TRAK1: variants seen among roughly 807,000 people sequenced by gnomAD.
TRAK1 encodes trafficking kinesin protein 1, also known as trafficking kinesin-binding protein 1.
Under a neutral mutation model 92.1 loss-of-function variants are expected in TRAK1, and 33 were observed. That is an observed-to-expected ratio of 0.36 (90% CI 0.27 to 0.48). TRAK1 has a LOEUF of 0.48. Ranked by LOEUF, TRAK1 falls within the 20% of genes least tolerant of loss-of-function variation. The pLI is 0.99. For synonymous variants in TRAK1, 521 were observed against 517.3 expected (o/e 1.01, Z -0.10); for missense variants, 1,123 against 1,257.9 (o/e 0.89, Z 1.62).
chr3:42,163,438 G>A (rs954386731), intron 2 of TRAK1, among the ~76,000 whole-genome samples: 3 of 152,086 alleles, frequency 2.0e-5, no homozygotes, highest in Non-Finnish European at 2.9e-5. Flanking sequence ...GCATGGTGGC[G>A]GGCGCCTGTA....
chr3:42,057,222 A>T (rs1703237497), intron 1 of TRAK1, among the ~76,000 whole-genome samples: 1 of 152,194 alleles, frequency 6.6e-6, no homozygotes, highest in Admixed American at 6.5e-5. Context: ...AAAATGGAAT[A>T]TTCTTATGTA....
At chr3:42,151,725 TC>T (rs370751027) in intron 2 of TRAK1, among the ~76,000 whole-genome samples, 329 of 152,354 alleles carry the variant, frequency 2.2e-3, no homozygotes, top group Middle Eastern at 0.014. Context: ...CTAGTTGAGT[TC>T]CTTCCTAGCT....
At chr3:42,142,496 T>A (rs930697757) in intron 2 of TRAK1, among the ~76,000 whole-genome samples, 1 of 152,214 alleles carries the variant, frequency 6.6e-6, no homozygotes, top group Admixed American at 6.5e-5. Context: ...CTGGGGCTGA[T>A]CCTGCTCCTA....
chr3:42,101,392 G>T (rs943091904), intron 1 of TRAK1, among the ~76,000 whole-genome samples: 2 of 152,244 alleles, frequency 1.3e-5, no homozygotes, highest in African/African-American at 4.8e-5. Context: ...ACAGCTTAGA[G>T]TTTAGAATAT....
chr3:42,115,366 G>A (rs1255511957), intron 1 of TRAK1, among the ~76,000 whole-genome samples: 3 of 152,004 alleles, frequency 2.0e-5, no homozygotes, highest in African/African-American at 7.3e-5. Flanking sequence ...CAACAAACTG[G>A]CATGCCCAAG....
chr3:42,121,362 C>T (rs561599868), intron 1 of TRAK1, among the ~76,000 whole-genome samples: 1 of 151,490 alleles, frequency 6.6e-6, no homozygotes, highest in South Asian at 2.1e-4. Context: ...GGGGTTCACA[C>T]CATTCTCCTG....
Position 42,154,706 on chromosome 3 carries a change from C to G in TRAK1, c.287-22108C>G, listed in dbSNP as rs530154942. Among the ~76,000 whole-genome samples the G allele has an allele frequency of 2.0e-5, 3 of 152,308 alleles. 1 individual carries two copies. The highest frequency in any genetic ancestry group is 7.2e-5 in the African/African-American group (3 of 41,566). The stretch of plus-strand genomic sequence containing the variant: ...TCAGCCTCTCAAAGTGCTGGGATTA[C>G]AGGTGTGAGCCTCTTTGCCCAGCCT... On this transcript the variant is annotated intron_variant, in intron 2 of 15. Coordinates refer to ENST00000327628, the MANE Select transcript of TRAK1 (RefSeq NM_001042646.3).
In TRAK1 at chr3:42,209,810, C is replaced by T; in HGVS notation, c.1788C>T (p.His596=). ...LHHWQQLAQP[H]LGGILDPRPG... ...ACTGGCAGCAGTTGGCCCAACCTCA[C>T]CTTGGGGGCATCCTGGACCCCCGGC... Residue 596 remains histidine (H), a synonymous_variant, in exon 14 of 16, where the codon CAC becomes CAT. Coordinates refer to ENST00000327628, the MANE Select transcript of TRAK1 (RefSeq NM_001042646.3). 2 of 1,614,202 alleles carry T rather than the reference C, an allele frequency of 1.2e-6. No homozygotes were observed. Among genetic ancestry groups the T allele is most frequent in the Non-Finnish European group, 1.7e-6 (2 of 1,180,042 alleles).
At chr3:42,210,155 G>A (rs757670041) in intron 14 of TRAK1, 170 bp downstream of exon 14, 16 of 1,598,150 alleles carry the variant, frequency 1.0e-5, no homozygotes, top group Middle Eastern at 3.3e-4. Context: ...CTGTAAACTT[G>A]GCACCTTTCC....
intron 1 of TRAK1, among the ~76,000 whole-genome samples, chr3:42,076,224 T>C (rs1368887730): frequency 7.3e-6 from 1 of 136,364 alleles, no homozygotes; most frequent in Non-Finnish European, 1.6e-5. Context: ...ACCTTTTTTT[T>C]TTTTTTTTTT....
Position 42,105,368 on chromosome 3 carries a change from G to T in TRAK1, c.91+13808G>T, listed in dbSNP as rs551720692. Among the ~76,000 whole-genome samples the T allele has an allele frequency of 6.6e-5, 10 of 152,302 alleles. No homozygotes were observed. In the South Asian group the frequency reaches 1.0e-3, roughly 16 times the overall value. ...AACCATGGCACGAGAACTATGTGAC[G>T]CATGCACAAGCTTCAGTAGCCGATT... On this transcript the variant is annotated intron_variant, in intron 1 of 15. Transcript: ENST00000327628.
At chr3:42,017,790 G>A (rs1183639737) in intron 1 of TRAK1, among the ~76,000 whole-genome samples, 1 of 152,102 alleles carries the variant, frequency 6.6e-6, no homozygotes, top group African/African-American at 2.4e-5. Flanking sequence ...GGGTGGAATG[G>A]GGTGGGAGGG....
chr3:42,217,763 C>G (rs766355660), intron 14 of TRAK1: 9 of 985,396 alleles, frequency 9.1e-6, no homozygotes, highest in Non-Finnish European at 1.1e-5. Flanking sequence ...ATTTGGGATG[C>G]TCTTCCCAGG....
intron 1 of TRAK1, among the ~76,000 whole-genome samples, chr3:42,114,915 G>T (rs1185281190): frequency 6.6e-6 from 1 of 152,042 alleles, no homozygotes; most frequent in East Asian, 1.9e-4. Flanking sequence ...GTTTTGCTGT[G>T]TTGGCCAGGC....
At chr3:42,122,921 A>G (rs927279303) in intron 1 of TRAK1, among the ~76,000 whole-genome samples, 2 of 152,206 alleles carry the variant, frequency 1.3e-5, no homozygotes, top group South Asian at 2.1e-4. Flanking sequence ...AAGTCCCAGC[A>G]GTGAGATAGA....
At chr3:42,148,363 T>C (rs1699578161) in intron 2 of TRAK1, among the ~76,000 whole-genome samples, 1 of 152,240 alleles carries the variant, frequency 6.6e-6, no homozygotes, top group African/African-American at 2.4e-5. Flanking sequence ...GACCCTGCTT[T>C]AGGGAATGAA....
chr3:42,211,874 A>G lies in TRAK1; in HGVS notation c.1963+1889A>G, dbSNP rs140862775. The G allele has an allele frequency of 2.0e-5, 20 of 985,482 alleles. No individual in the cohort carries two copies. In the Admixed American group the frequency reaches 3.1e-4, roughly 15 times the overall value. 61.0% of individuals were successfully genotyped at this position (985,482 alleles called of 1,614,324 possible). ...TTTGACGAGGGGCATGAACATTTAT[A>G]GTTGAAACTGTAGAAAGGGTCAGGT... On this transcript the variant is annotated intron_variant, in intron 14 of 15. Coordinates refer to ENST00000327628, the MANE Select transcript of TRAK1 (RefSeq NM_001042646.3).
At chr3:42,220,184 A>G (rs1168844025) in intron 15 of TRAK1, among the ~76,000 whole-genome samples, 1 of 152,102 alleles carries the variant, frequency 6.6e-6, no homozygotes, top group African/African-American at 2.4e-5. Context: ...GGCCCCAGGA[A>G]CCATGCAGCA....
At position 42,081,801 on chromosome 3, in the gene TRAK1, G is replaced by A. The variant is rs187584191; in HGVS notation, c.-518-5303G>A. Among the ~76,000 whole-genome samples, 3 of 152,354 alleles carry A rather than the reference G, an allele frequency of 2.0e-5. No individual in the cohort carries two copies. The East Asian group carries it at 5.8e-4, about 29-fold the overall frequency. On this transcript the variant is annotated intron_variant, in intron 1 of 16. Transcript: ENST00000487159. ...GAGAATCTAATTTGTACTAGACACA[G>A]AGGTAAGTGCCTTATATGGATAAGT...
Sources: allele counts gnomAD v4.1 joint callset (sites outside exome capture counted in the v4.1 genomes callset), GRCh38; gene constraint gnomAD v4.1.1; transcripts MANE v1.5; gene names NCBI Gene and HGNC (gene_info 2026-07-23, HGNC 2026-07-21).